The following MATN1 variants were observed in gnomAD, a reference collection of about 807,000 sequenced individuals.
MATN1 encodes matrilin 1, also known as matrilin-1.
Under a neutral mutation model 41.3 loss-of-function variants are expected in MATN1, and 34 were observed. The observed-to-expected ratio is 0.82, with a 90% CI of 0.63 to 1.10. The LOEUF is 1.10. MATN1 is among the 50% of genes least tolerant of loss of function. MATN1 has a pLI of 0.00. For missense variants in MATN1, 602 were observed against 662.4 expected, an observed-to-expected ratio of 0.91 and a Z score of 1.00; for synonymous variants, 264 against 278.7, an observed-to-expected ratio of 0.95 and a Z score of 0.53.
chr1:30,721,431 G>T lies in MATN1; in HGVS notation c.415C>A (p.Arg139Ser). The change falls in exon 2 of 8, where the codon CGT (arginine) becomes AGT (serine). Residue 139 changes from arginine to serine, a missense_variant. Arg to Ser is a moderately radical substitution (Grantham distance 110). Transcript: ENST00000373765. ...TKAFGDAEGG[R>S]SRSPDISKVV... ...TTGCTGATGTCAGGGGACCTGGAAC[G>T]ACCACCCTCTGCATCGCCGAAGGCT... The T allele has an allele frequency of 6.2e-7, 1 of 1,610,902 alleles. No individual in the cohort carries two copies. The highest frequency in any genetic ancestry group is 1.1e-5 in the South Asian group (1 of 91,014).
At chr1:30,722,631 G>A (rs1168596548) in intron 1 of MATN1, among the ~76,000 whole-genome samples, 1 of 152,232 alleles carries the variant, frequency 6.6e-6, no homozygotes, top group East Asian at 1.9e-4. Context: ...GCCTGGGCCT[G>A]CAGTCAGGAA....
rs1639579111 is a variant in MATN1, at chr1:30,713,448, C to A, written c.*134G>T. 2 of 792,574 alleles carry A rather than the reference C, an allele frequency of 2.5e-6. No individual in the cohort carries two copies. The highest frequency in any genetic ancestry group is 4.3e-6 in the Non-Finnish European group (2 of 467,554). 49.1% of individuals were successfully genotyped at this position (792,574 alleles called of 1,614,324 possible). ...ACATACACACACGAGCTCCCAAACG[C>A]CATTACACGCTCTCAATAGGCACAC... On this transcript the variant is annotated 3_prime_UTR_variant, in exon 8 of 8. Transcript: ENST00000373765.
At chr1:30,713,705 C>G in intron 7 of MATN1, 74 bp from the exon 8 acceptor site, 1 of 1,104,032 alleles carries the variant, frequency 9.1e-7, no homozygotes. Context: ...GCACTCAGGC[C>G]CCTGCAACAC....
chr1:30,720,336 C>T (rs868612039), intron 2 of MATN1: 1 of 152,384 alleles, frequency 6.6e-6, no homozygotes, highest in African/African-American at 2.4e-5. Context: ...CCACCTCAAC[C>T]ATCAGCTTCA....
intron 5 of MATN1, 86 bp from the exon 6 acceptor site, chr1:30,715,395 A>T: frequency 7.6e-7 from 1 of 1,321,640 alleles, no homozygotes. Flanking sequence ...TTAGGCAGCC[A>T]ACACCAGACA....
Position 30,713,337 on chromosome 1 carries a change from C to G in MATN1, c.*245G>C. ...ACCCCTGCATTATCACTCTCACACT[C>G]ACATTCTGGCAAGACTCATGCCCAC... On this transcript the variant is annotated 3_prime_UTR_variant, in exon 8 of 8. Transcript: ENST00000373765. 1.8e-6 allele frequency: 1 copy of G among 560,218 alleles called. No individual in the cohort carries two copies. The highest frequency in any genetic ancestry group is 3.2e-6 in the Non-Finnish European group (1 of 309,506). 34.7% of individuals were successfully genotyped at this position (560,218 alleles called of 1,614,324 possible).
chr1:30,716,385 C>T, intron 4 of MATN1, 60 bp from the exon 5 acceptor site: 1 of 1,513,898 alleles, frequency 6.6e-7, no homozygotes, highest in Non-Finnish European at 9.0e-7. Flanking sequence ...CATCCTGCTC[C>T]CCGGCTGGAC....
chr1:30,719,130 G>A (rs1030289529), intron 2 of MATN1, 173 bp from the exon 3 acceptor site: 5 of 528,552 alleles, frequency 9.5e-6, no homozygotes, highest in Admixed American at 3.9e-5. Flanking sequence ...CTGACTGAGA[G>A]ACGTGGCTGG....
At chr1:30,714,976 G>A (rs1239419179) in intron 6 of MATN1, among the ~76,000 whole-genome samples, 181 bp downstream of exon 6, 3 of 152,168 alleles carry the variant, frequency 2.0e-5, no homozygotes, top group Non-Finnish European at 2.9e-5. Flanking sequence ...GCCACGTAAC[G>A]AGCATTCAAC....
intron 3 of MATN1, among the ~76,000 whole-genome samples, chr1:30,717,758 C>T (rs953404685): frequency 2.0e-5 from 3 of 151,032 alleles, no homozygotes; most frequent in Admixed American, 6.6e-5. Flanking sequence ...GGGTTCACGC[C>T]GTTTTCCTGG....
Position 30,713,380 on chromosome 1 carries a change from C to T in MATN1, c.*202G>A. 7.3e-6 allele frequency: 2 copies of T among 272,316 alleles called. No homozygotes were observed. The highest frequency in any genetic ancestry group is 6.2e-5 in the East Asian group (1 of 16,194). The allele number at this position is 272,316 out of a possible 1,614,324, so 16.9% of individuals were successfully genotyped here. A position where few individuals can be genotyped will look rare whatever the true frequency, so the allele number is the denominator to read the frequency against. On this transcript the variant is annotated 3_prime_UTR_variant, in exon 8 of 8. Transcript: ENST00000373765. Reference sequence around the variant, plus strand: ...ATGCCCACCCTCAGGCGCACGTGCACACACACACACACACACACACATGCA... The same window carrying T: ...ATGCCCACCCTCAGGCGCACGTGCATACACACACACACACACACACATGCA...
rs1383018892 is a variant in MATN1 at position 30,713,635 on chromosome 1, G to A, written c.1442-4C>T. 2 of 1,553,092 alleles carry A rather than the reference G, an allele frequency of 1.3e-6. No homozygotes were observed. The highest frequency in any genetic ancestry group is 2.0e-5 in the Admixed American group (1 of 51,072). On this transcript the variant is annotated splice_polypyrimidine_tract_variant and splice_region_variant and intron_variant, in intron 7 of 7. Transcript: ENST00000373765. ...AGCCGCTTACTCACAGCTTCCAGTG[G>A]ACTCAGAGTTAAGGAGAGGTGCAGG...
Position 30,718,656 on chromosome 1 carries a change from C to T in MATN1, c.664+79G>A, listed in dbSNP as rs1292158605. 5.6e-6 allele frequency: 6 copies of T among 1,078,172 alleles called. No homozygotes were observed. In the East Asian group the frequency reaches 1.9e-4, roughly 34 times the overall value. 66.8% of individuals were successfully genotyped at this position (1,078,172 alleles called of 1,614,324 possible). On this transcript the variant is annotated intron_variant, in intron 3 of 7. Coordinates refer to ENST00000373765, the MANE Select transcript of MATN1 (RefSeq NM_002379.3). Reference sequence around the variant, plus strand: ...TCCGTCTGCGCCTCAGCCTCGGTCCCGCCTCCAGCCCTGGCCCCGCCCCGC... The same window carrying T: ...TCCGTCTGCGCCTCAGCCTCGGTCCTGCCTCCAGCCCTGGCCCCGCCCCGC...
intron 6 of MATN1, 69 bp from the exon 7 acceptor site, chr1:30,714,396 G>A (rs895070059): frequency 1.6e-5 from 21 of 1,294,300 alleles, no homozygotes; most frequent in Non-Finnish European, 2.3e-5. Context: ...AGGGAGGACA[G>A]TCACTGCCCA....
rs1463879729 is a variant in MATN1 at position 30,718,862 on chromosome 1, T to G, written c.537A>C (p.Gly179=). Residue 179 remains glycine, a synonymous_variant, in exon 3 of 8, where the codon GGA becomes GGC. Coordinates refer to ENST00000373765, the MANE Select transcript of MATN1 (RefSeq NM_002379.3). The part of the protein sequence containing the change: ...RASGVELFAI[G]VGSVDKATLR... Reference sequence around the variant, plus strand: ...GCGTGGCCTTGTCCACGCTGCCCACTCCGATGGCGAACAGCTCGACGCCGC... The same window carrying G: ...GCGTGGCCTTGTCCACGCTGCCCACGCCGATGGCGAACAGCTCGACGCCGC... 1 of 1,606,154 alleles carries G rather than the reference T, an allele frequency of 6.2e-7. No individual in the cohort carries two copies. The highest frequency in any genetic ancestry group is 8.5e-7 in the Non-Finnish European group (1 of 1,178,218).
At chr1:30,719,947 G>A (rs1177633104) in intron 2 of MATN1, 1 of 152,430 alleles carries the variant, frequency 6.6e-6, no homozygotes, top group East Asian at 1.9e-4. Flanking sequence ...AAAGGGTTGT[G>A]GTGAGGTTGA....
intron 5 of MATN1, among the ~76,000 whole-genome samples, chr1:30,715,700 A>G (rs1430036641): frequency 6.6e-6 from 1 of 152,186 alleles, no homozygotes; most frequent in Non-Finnish European, 1.5e-5. Context: ...TCACTTACAA[A>G]AGGACCATCA....
intron 6 of MATN1, 112 bp from the exon 7 acceptor site, chr1:30,714,439 G>C (rs1020036530): frequency 1.5e-5 from 12 of 811,220 alleles, no homozygotes; most frequent in Non-Finnish European, 2.5e-5. Flanking sequence ...GGGAGGTGAG[G>C]GGCTTAAGGG....
At chr1:30,714,434 G>A in intron 6 of MATN1, 107 bp from the exon 7 acceptor site, 2 of 880,658 alleles carry the variant, frequency 2.3e-6, no homozygotes, top group East Asian at 2.6e-5. Context: ...TCCCGGGGAG[G>A]TGAGGGGCTT....
Sources: allele counts gnomAD v4.1 joint callset (sites outside exome capture counted in the v4.1 genomes callset), GRCh38; gene constraint gnomAD v4.1.1; transcripts MANE v1.5; gene names NCBI Gene and HGNC (gene_info 2026-07-23, HGNC 2026-07-21).